Variants in ATP6V0A1 observed in about 807,000 individuals in gnomAD.
The protein encoded by ATP6V0A1 is ATPase H+ transporting V0 subunit a1.
Under a neutral mutation model 105.4 loss-of-function variants are expected in ATP6V0A1, and 43 were observed. The ratio of observed to expected loss-of-function variants is 0.41; its 90% confidence interval spans 0.32 to 0.53. The LOEUF is 0.53. Among genes scored for constraint, ATP6V0A1 ranks in the 20% least tolerant of loss-of-function variants. The pLI is 0.30. For missense variants in ATP6V0A1, 676 were observed against 1,051.1 expected, an observed-to-expected ratio of 0.64 and a Z score of 4.93; for synonymous variants, 362 against 372.8, an observed-to-expected ratio of 0.97 and a Z score of 0.33.
At chr17:42,470,335 G>A (rs1173500240) in intron 5 of ATP6V0A1, 117 bp downstream of exon 5, 1 of 1,276,496 alleles carries the variant, frequency 7.8e-7, no homozygotes, top group Non-Finnish European at 1.1e-6. Context: ...TGCCATTTTT[G>A]CACCCTGTTT....
At chr17:42,511,924 C>T (rs2092363649) in intron 19 of ATP6V0A1, among the ~76,000 whole-genome samples, 1 of 152,092 alleles carries the variant, frequency 6.6e-6, no homozygotes, top group Non-Finnish European at 1.5e-5. Context: ...GATCGCACCA[C>T]TGCACTCTAG....
At chr17:42,477,326 A>C (rs1289830649) in intron 5 of ATP6V0A1, among the ~76,000 whole-genome samples, 1 of 152,182 alleles carries the variant, frequency 6.6e-6, no homozygotes, top group East Asian at 1.9e-4. Context: ...ATTCAGGGAA[A>C]CGTAGGAGAG....
intron 2 of ATP6V0A1, among the ~76,000 whole-genome samples, chr17:42,464,201 C>T (rs941405246): frequency 3.3e-5 from 5 of 152,068 alleles, no homozygotes; most frequent in African/African-American, 1.2e-4. Context: ...CTTTTACTTC[C>T]TTTTTAATAG....
rs142636790 is a variant in ATP6V0A1, at chr17:42,488,559, A to G, written c.1023+1192A>G. On this transcript the variant is annotated intron_variant, in intron 10 of 21. Transcript: ENST00000343619. ...CCATCTCAGCTCACTTCAGCTTCCAACTCCTGGGCTTAAGCAATCCTCCCA... is the reference window on the plus strand; with the variant it reads ...CCATCTCAGCTCACTTCAGCTTCCAGCTCCTGGGCTTAAGCAATCCTCCCA... 3.5e-4 allele frequency among the ~76,000 whole-genome samples: 53 copies of G among 151,504 alleles called. No homozygotes were observed. In the East Asian group the frequency reaches 0.01, roughly 30 times the overall value.
chr17:42,462,810 G>A (rs1341230753), intron 2 of ATP6V0A1, among the ~76,000 whole-genome samples: 3 of 151,032 alleles, frequency 2.0e-5, no homozygotes, highest in East Asian at 1.9e-4. Flanking sequence ...TGGGGGTCTC[G>A]CCATGTTACC....
intron 9 of ATP6V0A1, 99 bp downstream of exon 9, chr17:42,483,230 C>A: frequency 1.1e-6 from 1 of 899,114 alleles, no homozygotes; most frequent in South Asian, 4.2e-5. Flanking sequence ...GTACCTGTAG[C>A]AAACCAGGAT....
chr17:42,483,137 C>T lies in ATP6V0A1; in HGVS notation c.810+6C>T. On this transcript the variant is annotated splice_donor_region_variant and intron_variant, in intron 9 of 21. Transcript: ENST00000343619. ...GGATTGATGATCTCCAAATGGTATG[C>T]AGAAGGCTGGAGGGAATTTGTTTTT... is the stretch of plus-strand genomic sequence containing the variant. 6.7e-7 allele frequency: 1 copy of T among 1,501,414 alleles called. No homozygotes were observed. Among genetic ancestry groups the T allele is most frequent in the African/African-American group, 1.4e-5 (1 of 71,066 alleles). The allele number at this position is 1,501,414 out of a possible 1,614,324, so 93.0% of individuals were successfully genotyped here. A position where few individuals can be genotyped will look rare whatever the true frequency, so the allele number is the denominator to read the frequency against.
chr17:42,483,526 G>A (rs929569487), intron 9 of ATP6V0A1, among the ~76,000 whole-genome samples: 1 of 151,966 alleles, frequency 6.6e-6, no homozygotes, highest in Admixed American at 6.6e-5. Context: ...TCCTGCCTCA[G>A]CCTCCTGAGT....
At chr17:42,517,000 C>T (rs1267157511) in intron 21 of ATP6V0A1, among the ~76,000 whole-genome samples, 1 of 152,214 alleles carries the variant, frequency 6.6e-6, no homozygotes, top group African/African-American at 2.4e-5. Context: ...GATGCCCTTA[C>T]TGGGTGCGAT....
At chr17:42,479,150 T>G (rs2089178920) in intron 7 of ATP6V0A1, 1 of 152,290 alleles carries the variant, frequency 6.6e-6, no homozygotes, top group South Asian at 2.1e-4. Context: ...TCTCAAGTGA[T>G]CTGCCTGCCT....
chr17:42,499,325 G>A (rs1269810535), intron 15 of ATP6V0A1, among the ~76,000 whole-genome samples: 1 of 151,520 alleles, frequency 6.6e-6, no homozygotes. Context: ...ACAAAAATCA[G>A]CCAGGTGTAG....
intron 7 of ATP6V0A1, among the ~76,000 whole-genome samples, chr17:42,480,074 C>A (rs940251577): frequency 6.6e-6 from 1 of 152,140 alleles, no homozygotes; most frequent in Non-Finnish European, 1.5e-5. Flanking sequence ...ATACAGGCAA[C>A]CTGAGACAAT....
At chr17:42,495,227 T>C (rs1473739299) in intron 13 of ATP6V0A1, 39 bp downstream of exon 13, 1 of 1,601,158 alleles carries the variant, frequency 6.2e-7, no homozygotes, top group Non-Finnish European at 8.5e-7. Context: ...AGCTTATTCC[T>C]TTCATGTGCA....
intron 4 of ATP6V0A1, among the ~76,000 whole-genome samples, chr17:42,468,354 G>T (rs2087393222): frequency 6.6e-6 from 1 of 152,114 alleles, no homozygotes; most frequent in African/African-American, 2.4e-5. Context: ...CCATCACCTT[G>T]AGTATTTACC....
At chr17:42,484,120 C>T (rs1224506806) in intron 9 of ATP6V0A1, among the ~76,000 whole-genome samples, 2 of 151,948 alleles carry the variant, frequency 1.3e-5, no homozygotes, top group Admixed American at 6.6e-5. Context: ...TGCAGTGGCG[C>T]GATCTCGGCT....
chr17:42,461,327 A>T lies in ATP6V0A1; in HGVS notation c.117+316A>T, dbSNP rs80288673. Among the ~76,000 whole-genome samples, 984 of 152,320 alleles carry T rather than the reference A, an allele frequency of 6.5e-3. 7 individuals carry two copies. The highest frequency in any genetic ancestry group is 0.019 in the East Asian group (98 of 5,192). ...TGCTAAATAGCAAGGTATTTAAAAAAATATATTGCAGTTTTTCCATATAGT... is the reference window on the plus strand; with the variant it reads ...TGCTAAATAGCAAGGTATTTAAAAATATATATTGCAGTTTTTCCATATAGT... On this transcript the variant is annotated intron_variant, in intron 2 of 21. Coordinates refer to ENST00000343619, the MANE Select transcript of ATP6V0A1 (RefSeq NM_001130021.3).
chr17:42,498,097 A>T (rs999813610), intron 14 of ATP6V0A1, among the ~76,000 whole-genome samples: 1 of 152,118 alleles, frequency 6.6e-6, no homozygotes, highest in Non-Finnish European at 1.5e-5. Context: ...CTAAAAATAC[A>T]AAATTAGCTG....
intron 21 of ATP6V0A1, among the ~76,000 whole-genome samples, chr17:42,517,396 C>CATCTAGAGTGAGAGAAGA (rs1463524625): frequency 6.6e-6 from 1 of 152,144 alleles, no homozygotes; most frequent in Non-Finnish European, 1.5e-5. Context: ...GAGAGAAGAC[C>CATCTAGAGTGAGAGAAGA]CCAGAGGAGG....
chr17:42,490,671 GT>G (rs750403916), intron 11 of ATP6V0A1, 34 bp downstream of exon 11: 58 of 1,557,342 alleles, frequency 3.7e-5, no homozygotes, highest in Middle Eastern at 1.7e-4. Flanking sequence ...TTCCTCTAGA[GT>G]TTTTTTTGTT....
Sources: allele counts gnomAD v4.1 joint callset (sites outside exome capture counted in the v4.1 genomes callset), GRCh38; gene constraint gnomAD v4.1.1; transcripts MANE v1.5; gene names NCBI Gene and HGNC (gene_info 2026-07-23, HGNC 2026-07-21).